Variants in BCKDHB observed in about 807,000 individuals in gnomAD.
BCKDHB encodes the protein 2-oxoisovalerate dehydrogenase subunit beta, mitochondrial.
In BCKDHB, 41 loss-of-function variants were observed where a neutral mutation model predicts 48.5. That is an observed-to-expected ratio of 0.85 (90% CI 0.66 to 1.10). The LOEUF (loss-of-function observed/expected upper bound fraction) is 1.10, where lower values mean the gene tolerates loss of function less well. BCKDHB is among the 50% of genes least tolerant of loss of function. The pLI is 0.00. For missense variants in BCKDHB, 496 were observed against 494.2 expected, an observed-to-expected ratio of 1.00 and a Z score of -0.03; for synonymous variants, 201 against 174.8, an observed-to-expected ratio of 1.15 and a Z score of -1.18.
intron 3 of BCKDHB, among the ~76,000 whole-genome samples, chr6:80,136,494 A>G (rs1189828122): frequency 3.3e-5 from 5 of 152,182 alleles, no homozygotes; most frequent in Non-Finnish European, 7.4e-5. Flanking sequence ...ATGTAAAACT[A>G]TAAAACTCTT....
At chr6:80,425,910 G>C in the BCKDHB span, among the ~76,000 whole-genome samples, 1 of 152,056 alleles carries the variant, frequency 6.6e-6, no homozygotes, top group Non-Finnish European at 1.5e-5. Flanking sequence ...TTTCAACTTT[G>C]TGTCTAAGAT....
At chr6:80,341,644 A>G (rs952231562) in intron 9 of BCKDHB, among the ~76,000 whole-genome samples, 1 of 152,226 alleles carries the variant, frequency 6.6e-6, no homozygotes, top group African/African-American at 2.4e-5. Context: ...AAATACCAAC[A>G]GAACTTCTTG....
In BCKDHB at chr6:80,163,879, C is replaced by T. The variant is rs561452778; in HGVS notation, c.344-3799C>T. Among the ~76,000 whole-genome samples, 5 of 152,302 alleles carry T rather than the reference C, an allele frequency of 3.3e-5. No individual in the cohort carries two copies. The East Asian group carries it at 9.7e-4, about 29-fold the overall frequency. ...ATTGCTGTGACTCATACTGCACATC[C>T]ATTTCATCAGCAAATCCTTTTAGCT... On this transcript the variant is annotated intron_variant, in intron 3 of 9. Coordinates refer to ENST00000320393, the MANE Select transcript of BCKDHB (RefSeq NM_183050.4).
At chr6:80,261,910 G>A (rs1562184619) in intron 8 of BCKDHB, among the ~76,000 whole-genome samples, 1 of 151,918 alleles carries the variant, frequency 6.6e-6, no homozygotes. Context: ...CTTTGAATAG[G>A]GCAGTATCAG....
chr6:80,106,803 A>G lies in BCKDHB; in HGVS notation c.110A>G (p.His37Arg). 6.3e-7 allele frequency: 1 copy of G among 1,593,040 alleles called. No homozygotes were observed. Among genetic ancestry groups the G allele is most frequent in the South Asian group, 1.1e-5 (1 of 88,854 alleles). ...GCGGGGCTGGCGCGGGGCTTTTTGC[A>G]CCCCGCCGCGACTGTCGAGGATGCG... ...PGAGLARGFL[H>R]PAATVEDAAQ... is the part of the protein sequence containing the mutation. The change falls in exon 1 of 10, where the codon CAC becomes CGC. Residue 37 changes from histidine to arginine, a missense_variant. Coordinates refer to ENST00000320393, the MANE Select transcript of BCKDHB (RefSeq NM_183050.4).
intron 8 of BCKDHB, among the ~76,000 whole-genome samples, chr6:80,269,324 C>T (rs916787912): frequency 6.6e-6 from 1 of 152,126 alleles, no homozygotes; most frequent in Admixed American, 6.6e-5. Flanking sequence ...TAGTATGCCA[C>T]TAATGCTCTG....
At chr6:80,462,397 CAAG>C in the BCKDHB span, among the ~76,000 whole-genome samples, 1 of 152,064 alleles carries the variant, frequency 6.6e-6, no homozygotes, top group Non-Finnish European at 1.5e-5. Context: ...AATTATAACC[CAAG>C]AAGAAGAAGA....
rs188362795 is a variant in BCKDHB, at chr6:80,131,295, T to A, written c.343+2066T>A. Among the ~76,000 whole-genome samples the A allele has an allele frequency of 1.7e-3, 265 of 152,348 alleles. 1 individual carries two copies. The highest frequency in any genetic ancestry group is 6.0e-3 in the African/African-American group (251 of 41,588). Reference sequence around the variant, plus strand: ...AACTCAGCATTTCCACACCTAAGGCTGCTACATGCACCCAGCAAATATATG... The same window carrying A: ...AACTCAGCATTTCCACACCTAAGGCAGCTACATGCACCCAGCAAATATATG... On this transcript the variant is annotated intron_variant, in intron 3 of 9. Coordinates refer to ENST00000320393, the MANE Select transcript of BCKDHB (RefSeq NM_183050.4).
At chr6:80,222,214 C>T (rs1040174850) in intron 8 of BCKDHB, among the ~76,000 whole-genome samples, 1 of 152,088 alleles carries the variant, frequency 6.6e-6, no homozygotes, top group African/African-American at 2.4e-5. Context: ...TCAGAACATC[C>T]AGTATTTGAT....
At chr6:80,421,878 T>C in the BCKDHB span, among the ~76,000 whole-genome samples, 1 of 152,060 alleles carries the variant, frequency 6.6e-6, no homozygotes, top group South Asian at 2.1e-4. Context: ...AAACAGAACA[T>C]AAATGTTTAG....
rs1042669273 is a variant in BCKDHB at position 80,183,468 on chromosome 6, A to G, written c.742+12078A>G. ...TTTTTAAGAGCAATTTTAGATTCAC[A>G]GCAAAATTGAGAGATAGACATGGAG... is the stretch of plus-strand genomic sequence containing the variant. On this transcript the variant is annotated intron_variant, in intron 6 of 9. Transcript: ENST00000320393. Among the ~76,000 whole-genome samples, 6 of 152,186 alleles carry G rather than the reference A, an allele frequency of 3.9e-5. No homozygotes were observed. In the East Asian group the frequency reaches 9.6e-4, roughly 24 times the overall value.
intron 3 of BCKDHB, among the ~76,000 whole-genome samples, chr6:80,142,269 A>G (rs1229538902): frequency 6.6e-6 from 1 of 152,074 alleles, no homozygotes; most frequent in African/African-American, 2.4e-5. Context: ...ATATATTGAA[A>G]TTTTAAGAGA....
intron 9 of BCKDHB, among the ~76,000 whole-genome samples, chr6:80,317,676 C>T (rs1053461082): frequency 5.9e-5 from 9 of 152,172 alleles, no homozygotes; most frequent in Non-Finnish European, 1.0e-4. Context: ...ATTCGTAGTT[C>T]GAAGGATTAG....
At chr6:80,119,269 A>C (rs1468455360) in intron 1 of BCKDHB, among the ~76,000 whole-genome samples, 1 of 152,184 alleles carries the variant, frequency 6.6e-6, no homozygotes, top group African/African-American at 2.4e-5. Context: ...AAATGAAGTC[A>C]TCCATGAGGG....
At chr6:80,403,473 T>C in the BCKDHB span, among the ~76,000 whole-genome samples, 6 of 152,066 alleles carry the variant, frequency 3.9e-5, no homozygotes, top group African/African-American at 1.4e-4. Context: ...TAAAATAGTT[T>C]TTTGGTGGAT....
At chr6:80,450,893 T>G in the BCKDHB span, among the ~76,000 whole-genome samples, 1 of 152,086 alleles carries the variant, frequency 6.6e-6, no homozygotes, top group Non-Finnish European at 1.5e-5. Context: ...ATACATAACA[T>G]TAATAATTTA....
chr6:80,418,388 T>C, the BCKDHB span, among the ~76,000 whole-genome samples: 1 of 152,262 alleles, frequency 6.6e-6, no homozygotes, highest in Non-Finnish European at 1.5e-5. Flanking sequence ...GTCAGGGTTC[T>C]TGTGCTGATT....
At chr6:80,242,453 G>C (rs1015002696) in intron 8 of BCKDHB, among the ~76,000 whole-genome samples, 2 of 152,082 alleles carry the variant, frequency 1.3e-5, no homozygotes, top group African/African-American at 2.4e-5. Flanking sequence ...CTCTTCTTCA[G>C]TTATTTTTGG....
At chr6:80,197,934 TCATC>T (rs10651030) in intron 6 of BCKDHB, among the ~76,000 whole-genome samples, 49,876 of 148,834 alleles carry the variant, frequency 0.34, 9,975 homozygotes, top group Admixed American at 0.52. Flanking sequence ...ATCCATCTGT[TCATC>T]CATCCATCCA....
Sources: gnomAD v4.1 joint callset for allele counts (sites outside exome capture counted in the v4.1 genomes callset) on GRCh38, gnomAD v4.1.1 for gene constraint, MANE v1.5 for transcripts, NCBI Gene and HGNC (gene_info 2026-07-23, HGNC 2026-07-21) for gene names.